The following SLC16A10 variants were observed in gnomAD, a reference collection of about 807,000 sequenced individuals.
SLC16A10 encodes monocarboxylate transporter 10.
Under a neutral mutation model 40.0 loss-of-function variants are expected in SLC16A10, and 27 were observed. The observed-to-expected ratio is 0.67, with a 90% CI of 0.50 to 0.93. The LOEUF (loss-of-function observed/expected upper bound fraction) is 0.93. SLC16A10 is among the 40% of genes least tolerant of loss of function. The pLI is 0.00. For synonymous variants in SLC16A10, 213 were observed against 249.8 expected, an observed-to-expected ratio of 0.85 and a Z score of 1.39; for missense variants, 529 against 658.2, an observed-to-expected ratio of 0.80 and a Z score of 2.15.
intron 1 of SLC16A10, among the ~76,000 whole-genome samples, chr6:111,118,508 T>C (rs1456710195): frequency 6.6e-6 from 1 of 151,878 alleles, no homozygotes; most frequent in Admixed American, 6.6e-5. Flanking sequence ...GGTGAAACCC[T>C]GTCTCTACTA....
intron 1 of SLC16A10, among the ~76,000 whole-genome samples, chr6:111,121,000 C>A (rs754325127): frequency 5.3e-5 from 8 of 151,936 alleles, no homozygotes; most frequent in Non-Finnish European, 8.8e-5. Context: ...CACTTTATTT[C>A]CCTAATAGAA....
At chr6:111,181,524 G>A (rs1035676241) in intron 3 of SLC16A10, among the ~76,000 whole-genome samples, 1 of 152,186 alleles carries the variant, frequency 6.6e-6, no homozygotes, top group Non-Finnish European at 1.5e-5. Flanking sequence ...AAGTTTCATA[G>A]CATTGGAGTT....
rs558385950 is a variant in SLC16A10, at chr6:111,169,115, A to G, written c.344-3580A>G. Among the ~76,000 whole-genome samples, 90 of 152,288 alleles carry G rather than the reference A, an allele frequency of 5.9e-4. 2 individuals are homozygous for G. Among genetic ancestry groups the G allele is most frequent in the South Asian group, 2.1e-4 (1 of 4,816 alleles). On this transcript the variant is annotated intron_variant, in intron 1 of 5. Coordinates refer to ENST00000368851, the MANE Select transcript of SLC16A10 (RefSeq NM_018593.5). ...ACTGTGGCTGGCTTACTGTTCCCACAGAAAGAGCTATACTGTAATGGTGTC... is the reference window on the plus strand; with the variant it reads ...ACTGTGGCTGGCTTACTGTTCCCACGGAAAGAGCTATACTGTAATGGTGTC...
intron 3 of SLC16A10, among the ~76,000 whole-genome samples, chr6:111,200,108 A>G (rs1773145101): frequency 6.6e-6 from 1 of 152,136 alleles, no homozygotes; most frequent in Non-Finnish European, 1.5e-5. Context: ...CCAATCACCC[A>G]TGCCTCCTAC....
intron 1 of SLC16A10, among the ~76,000 whole-genome samples, chr6:111,143,940 A>G (rs1427096554): frequency 6.6e-6 from 1 of 152,152 alleles, no homozygotes; most frequent in Non-Finnish European, 1.5e-5. Flanking sequence ...CCTGGTCAGC[A>G]TCGTGAGGCC....
chr6:111,174,022 G>T (rs1772634070), intron 2 of SLC16A10, among the ~76,000 whole-genome samples: 1 of 152,118 alleles, frequency 6.6e-6, no homozygotes, highest in African/African-American at 2.4e-5. Context: ...GAACGGATGG[G>T]CACATAACTG....
intron 1 of SLC16A10, among the ~76,000 whole-genome samples, chr6:111,135,582 C>G (rs545157588): frequency 2.0e-5 from 3 of 152,274 alleles, no homozygotes; most frequent in Admixed American, 1.3e-4. Flanking sequence ...CCTTTTTCTG[C>G]ACTCCTATAC....
At chr6:111,099,438 G>A (rs528649503) in intron 1 of SLC16A10, among the ~76,000 whole-genome samples, 2 of 151,986 alleles carry the variant, frequency 1.3e-5, no homozygotes, top group Middle Eastern at 3.4e-3. Flanking sequence ...TCAGCCTCCC[G>A]AGTAGCTGGG....
intron 1 of SLC16A10, among the ~76,000 whole-genome samples, chr6:111,110,539 A>C (rs184397104): frequency 6.6e-6 from 1 of 152,210 alleles, no homozygotes; most frequent in Non-Finnish European, 1.5e-5. Flanking sequence ...GAGAGAAGAA[A>C]GTAAGAATGG....
intron 1 of SLC16A10, among the ~76,000 whole-genome samples, chr6:111,125,124 A>G (rs1771652875): frequency 6.6e-6 from 1 of 152,172 alleles, no homozygotes; most frequent in South Asian, 2.1e-4. Flanking sequence ...ATTAGTGTTT[A>G]TTTTTGTTTC....
intron 1 of SLC16A10, among the ~76,000 whole-genome samples, chr6:111,140,807 A>G (rs879935729): frequency 5.2e-4 from 79 of 152,182 alleles, no homozygotes; most frequent in African/African-American, 1.8e-3. Context: ...TTTATTTGAG[A>G]GAGGGTCTTT....
chr6:111,139,072 C>CT (rs747299694), intron 1 of SLC16A10, among the ~76,000 whole-genome samples: 118 of 104,872 alleles, frequency 1.1e-3, no homozygotes, highest in Middle Eastern at 5.0e-3. Flanking sequence ...TCCCTGCTGG[C>CT]TTTTTTTTTT....
At chr6:111,118,819 A>G (rs907757877) in intron 1 of SLC16A10, among the ~76,000 whole-genome samples, 1 of 152,110 alleles carries the variant, frequency 6.6e-6, no homozygotes, top group Non-Finnish European at 1.5e-5. Context: ...TTCCTGCCAC[A>G]CACAACCAGA....
At chr6:111,196,172 A>C (rs553881482) in intron 3 of SLC16A10, among the ~76,000 whole-genome samples, 242 of 152,204 alleles carry the variant, frequency 1.6e-3, no homozygotes, top group African/African-American at 5.5e-3. Flanking sequence ...CCCTGTCTGT[A>C]CTAAAAATAC....
chr6:111,130,922 T>C (rs193114687), intron 1 of SLC16A10, among the ~76,000 whole-genome samples: 9 of 152,248 alleles, frequency 5.9e-5, no homozygotes, highest in Middle Eastern at 3.2e-3. Flanking sequence ...TTAATTTTCT[T>C]AGGTATAAAG....
At chr6:111,162,123 A>G (rs1183660313) in intron 1 of SLC16A10, among the ~76,000 whole-genome samples, 1 of 152,246 alleles carries the variant, frequency 6.6e-6, no homozygotes, top group Non-Finnish European at 1.5e-5. Flanking sequence ...TCCAGTCCTC[A>G]TTTTTGTTAA....
chr6:111,181,033 G>A (rs1434954033), intron 3 of SLC16A10, among the ~76,000 whole-genome samples: 14 of 151,946 alleles, frequency 9.2e-5, no homozygotes, highest in Non-Finnish European at 1.9e-4. Context: ...TGGCCAACAT[G>A]GTGAAACCCT....
At chr6:111,089,847 CT>C (rs1330727792) in intron 1 of SLC16A10, among the ~76,000 whole-genome samples, 8 of 105,004 alleles carry the variant, frequency 7.6e-5, no homozygotes, top group South Asian at 3.5e-4. Context: ...TAACAGCAGT[CT>C]TTTGTTTATC....
At chr6:111,211,138 AG>A (rs1220141494) in intron 4 of SLC16A10, among the ~76,000 whole-genome samples, 3 of 152,248 alleles carry the variant, frequency 2.0e-5, no homozygotes, top group African/African-American at 7.2e-5. Flanking sequence ...GGGAAACAAG[AG>A]TGCAAGAGGG....
Sources: allele counts gnomAD v4.1 joint callset (sites outside exome capture counted in the v4.1 genomes callset), GRCh38; gene constraint gnomAD v4.1.1; transcripts MANE v1.5; gene names NCBI Gene and HGNC (gene_info 2026-07-23, HGNC 2026-07-21).